The following NXPE2 variants were observed in gnomAD, a reference collection of about 807,000 sequenced individuals.
NXPE2 encodes the protein NXPE family member 2.
A neutral mutation model predicts 34.4 loss-of-function variants in NXPE2; 34 were observed. That is an observed-to-expected ratio of 0.99 (90% confidence interval 0.75 to 1.31). The LOEUF (loss-of-function observed/expected upper bound fraction) is 1.31, where lower values mean the gene tolerates loss of function less well. Ranked by LOEUF, NXPE2 falls within the 40% of genes most tolerant of loss-of-function variation. The pLI is 0.00. For missense variants in NXPE2, 649 were observed against 672.5 expected, an observed-to-expected ratio of 0.97 and a Z score of 0.39; for synonymous variants, 235 against 231.3, an observed-to-expected ratio of 1.02 and a Z score of -0.15.
chr11:114,680,868 A>G (rs961986892), intron 2 of NXPE2, among the ~76,000 whole-genome samples: 6 of 152,166 alleles, frequency 3.9e-5, no homozygotes, highest in African/African-American at 1.4e-4. Flanking sequence ...GGATATCTCC[A>G]TCTAAGTCTT....
chr11:114,650,007 A>G, the NXPE2 span, among the ~76,000 whole-genome samples: 1 of 152,236 alleles, frequency 6.6e-6, no homozygotes, highest in Non-Finnish European at 1.5e-5. Flanking sequence ...TAAAAGGTCA[A>G]TAAAGATTTC....
At chr11:114,642,736 G>C in the NXPE2 span, among the ~76,000 whole-genome samples, 68 of 152,164 alleles carry the variant, frequency 4.5e-4, no homozygotes, top group African/African-American at 1.6e-3. Flanking sequence ...GTGTGCATGT[G>C]TCTTTATAGT....
chr11:114,713,168 C>T, the NXPE2 span, among the ~76,000 whole-genome samples: 79,042 of 151,792 alleles, frequency 0.52, 20,710 homozygotes, highest in Middle Eastern at 0.56. Context: ...TTAGTGTTTC[C>T]GGGTAAAAAT....
At chr11:114,553,743 C>G in the NXPE2 span, 1 of 985,358 alleles carries the variant, frequency 1.0e-6, no homozygotes, top group Non-Finnish European at 1.2e-6. Flanking sequence ...TAAGATGCCT[C>G]CATTTGGAAA....
At chr11:114,590,556 C>CTTTAGGTTT in the NXPE2 span, among the ~76,000 whole-genome samples, 1 of 152,150 alleles carries the variant, frequency 6.6e-6, no homozygotes, top group Non-Finnish European at 1.5e-5. Flanking sequence ...GCTCAAAAGG[C>CTTTAGGTTT]CTTTAGCCAG....
At chr11:114,704,749 C>T (rs530243573) in intron 4 of NXPE2, among the ~76,000 whole-genome samples, 3 of 152,284 alleles carry the variant, frequency 2.0e-5, no homozygotes, top group Admixed American at 6.5e-5. Context: ...ACAAATAAAT[C>T]ATGAACCCAG....
At chr11:114,709,219 A>C (rs1032153263), downstream of NXPE2, among the ~76,000 whole-genome samples, 2 of 152,256 alleles carry the variant, frequency 1.3e-5, no homozygotes, top group African/African-American at 4.8e-5. Flanking sequence ...TACTATACAG[A>C]TAGCACAACA....
At chr11:114,784,601 A>ATAACCAGCATGAGGAAGATTT in the NXPE2 span, among the ~76,000 whole-genome samples, 1 of 152,224 alleles carries the variant, frequency 6.6e-6, no homozygotes, top group Admixed American at 6.5e-5. Flanking sequence ...GAGTGGCTTT[A>ATAACCAGCATGAGGAAGATTT]TAACCAGCAT....
At chr11:114,622,988 C>T in the NXPE2 span, among the ~76,000 whole-genome samples, 15 of 152,190 alleles carry the variant, frequency 9.9e-5, no homozygotes, top group African/African-American at 1.7e-4. Context: ...TAGGAAACCA[C>T]GGTTACCTGG....
the NXPE2 span, chr11:114,513,218 C>T: frequency 5.6e-6 from 3 of 536,198 alleles, no homozygotes; most frequent in East Asian, 1.4e-4. Flanking sequence ...CTGGTGCCTC[C>T]TGTAGTGCGT....
chr11:114,780,916 G>C, the NXPE2 span, among the ~76,000 whole-genome samples: 40 of 152,278 alleles, frequency 2.6e-4, no homozygotes, highest in Non-Finnish European at 5.0e-4. Context: ...TGTGGCGTTG[G>C]GGGAGGAGAG....
chr11:114,628,127 C>T, the NXPE2 span, among the ~76,000 whole-genome samples: 1 of 145,438 alleles, frequency 6.9e-6, no homozygotes, highest in Non-Finnish European at 1.5e-5. Context: ...AGAAAGTCAA[C>T]AACGATACCC....
chr11:114,724,583 T>C, the NXPE2 span, among the ~76,000 whole-genome samples: 6,286 of 152,200 alleles, frequency 0.041, 435 homozygotes, highest in African/African-American at 0.14. Flanking sequence ...TAAGTGAAGA[T>C]AGTTTTTGCC....
chr11:114,724,868 C>G, the NXPE2 span, among the ~76,000 whole-genome samples: 1 of 142,076 alleles, frequency 7.0e-6, no homozygotes, highest in Non-Finnish European at 1.5e-5. Flanking sequence ...TAACCCTCCA[C>G]GTAATATTGC....
chr11:114,635,566 G>C, the NXPE2 span, among the ~76,000 whole-genome samples: 4 of 152,092 alleles, frequency 2.6e-5, no homozygotes, highest in African/African-American at 9.6e-5. Context: ...AATGCTTCCA[G>C]TTTTTGCCCA....
chr11:114,761,666 C>T, the NXPE2 span, among the ~76,000 whole-genome samples: 2 of 150,102 alleles, frequency 1.3e-5, no homozygotes, highest in African/African-American at 2.4e-5. Flanking sequence ...CTCCGCCTCC[C>T]GGGTTCACGC....
the NXPE2 span, among the ~76,000 whole-genome samples, chr11:114,553,215 A>G: frequency 6.6e-6 from 1 of 152,128 alleles, no homozygotes; most frequent in Non-Finnish European, 1.5e-5. Flanking sequence ...TATCTTTGTA[A>G]TAATATGTGC....
the NXPE2 span, among the ~76,000 whole-genome samples, chr11:114,637,216 A>G: frequency 1.3e-5 from 2 of 151,922 alleles, no homozygotes; most frequent in Non-Finnish European, 2.9e-5. Flanking sequence ...ACCATTAAGT[A>G]ATGGCCTTCT....
chr11:114,509,243 AAAAC>A, the NXPE2 span, among the ~76,000 whole-genome samples: 118 of 152,200 alleles, frequency 7.8e-4, no homozygotes, highest in African/African-American at 2.6e-3. Flanking sequence ...ACAAAAAGTC[AAAAC>A]AAACAAACAA....
Sources: allele counts gnomAD v4.1 joint callset (sites outside exome capture counted in the v4.1 genomes callset), GRCh38; gene constraint gnomAD v4.1.1; transcripts MANE v1.5; gene names NCBI Gene and HGNC (gene_info 2026-07-23, HGNC 2026-07-21).